The following PLXNA4 variants were observed in gnomAD, a reference collection of about 807,000 sequenced individuals.
PLXNA4 encodes the protein plexin-A4.
In PLXNA4, 44 loss-of-function variants were observed where a neutral mutation model predicts 191.8. The ratio of observed to expected loss-of-function variants is 0.23; its 90% confidence interval spans 0.18 to 0.29. The LOEUF is 0.29. Ranked by LOEUF, PLXNA4 falls within the 10% of genes least tolerant of loss-of-function variation. PLXNA4 has a pLI of 1.00. For missense variants in PLXNA4, 1,800 were observed against 2,488.8 expected (o/e 0.72, Z 5.89); for synonymous variants, 1,082 against 1,009.5 (o/e 1.07, Z -1.36).
chr7:132,181,723 G>T, intron 17 of PLXNA4, 103 bp from the exon 18 acceptor site: 1 of 1,500,402 alleles, frequency 6.7e-7, no homozygotes, highest in East Asian at 2.4e-5. Flanking sequence ...ATAGCAAGGG[G>T]TTGACAAGAG....
chr7:132,204,020 A>G (rs62469726), intron 10 of PLXNA4, among the ~76,000 whole-genome samples: 17,046 of 152,184 alleles, frequency 0.11, 1,082 homozygotes, highest in South Asian at 0.19. Flanking sequence ...GAAGAGGACT[A>G]GATGGGAGCT....
intron 3 of PLXNA4, among the ~76,000 whole-genome samples, chr7:132,364,254 C>A (rs947165923): frequency 6.6e-6 from 1 of 152,234 alleles, no homozygotes; most frequent in Non-Finnish European, 1.5e-5. Context: ...GGTGTCTAGA[C>A]TTTGTCATAT....
chr7:132,417,477 G>C (rs1230270643), intron 3 of PLXNA4, among the ~76,000 whole-genome samples: 1 of 152,154 alleles, frequency 6.6e-6, no homozygotes, highest in Non-Finnish European at 1.5e-5. Context: ...TATAGACTTT[G>C]TCCAGTAGAT....
chr7:132,263,912 G>A (rs1399283080), intron 4 of PLXNA4, among the ~76,000 whole-genome samples: 3 of 152,172 alleles, frequency 2.0e-5, no homozygotes, highest in South Asian at 2.1e-4. Flanking sequence ...CCACTGTACC[G>A]TTAGCAAAGA....
At chr7:132,293,418 T>G (rs1035313391) in intron 4 of PLXNA4, among the ~76,000 whole-genome samples, 1 of 152,150 alleles carries the variant, frequency 6.6e-6, no homozygotes, top group African/African-American at 2.4e-5. Context: ...CTTGTGAGAC[T>G]TATTCACTAC....
intron 2 of PLXNA4, among the ~76,000 whole-genome samples, chr7:132,491,242 T>C (rs1455206179): frequency 6.6e-6 from 1 of 152,202 alleles, no homozygotes; most frequent in Non-Finnish European, 1.5e-5. Context: ...TGAAATAAAA[T>C]ACAAGGTGTC....
intron 14 of PLXNA4, among the ~76,000 whole-genome samples, chr7:132,193,000 G>A (rs1462363796): frequency 2.0e-5 from 3 of 152,160 alleles, no homozygotes; most frequent in Admixed American, 6.5e-5. Flanking sequence ...GGGTATGCAG[G>A]TGAGAGGTGG....
intron 14 of PLXNA4, among the ~76,000 whole-genome samples, chr7:132,192,066 A>G (rs1463839384): frequency 6.6e-6 from 1 of 152,056 alleles, no homozygotes; most frequent in East Asian, 1.9e-4. Flanking sequence ...GTGACAGCCA[A>G]CTGCATCCAG....
chr7:132,503,818 C>A (rs1798350987), intron 2 of PLXNA4, among the ~76,000 whole-genome samples: 1 of 152,184 alleles, frequency 6.6e-6, no homozygotes, highest in Non-Finnish European at 1.5e-5. Context: ...TCTAGGACCC[C>A]CCCTCATACC....
chr7:132,304,724 T>G (rs1801441763), intron 3 of PLXNA4, among the ~76,000 whole-genome samples: 1 of 133,564 alleles, frequency 7.5e-6, no homozygotes. Flanking sequence ...ATAATTTGGT[T>G]TGGTGACTAT....
At chr7:132,347,333 C>G (rs1442424451) in intron 3 of PLXNA4, among the ~76,000 whole-genome samples, 1 of 152,160 alleles carries the variant, frequency 6.6e-6, no homozygotes, top group Non-Finnish European at 1.5e-5. Context: ...TGACAACCAC[C>G]CAGGCCAAGG....
rs1794810754 is a variant in PLXNA4 at position 132,127,795 on chromosome 7, C to T, written c.*2684G>A. ...ATTTGTCTGTCCTTGTCTCCTCTTT[C>T]TTCCTAACCTTTCTATTTCTCTGAG... On this transcript the variant is annotated 3_prime_UTR_variant, in exon 32 of 32. Transcript: ENST00000321063. 1 of 152,126 alleles carries T rather than the reference C, an allele frequency of 6.6e-6. No individual in the cohort carries two copies. Among genetic ancestry groups the T allele is most frequent in the South Asian group, 2.1e-4 (1 of 4,826 alleles). 9.4% of individuals were successfully genotyped at this position (152,126 alleles called of 1,614,324 possible).
rs528993196 is a variant in PLXNA4, at chr7:132,453,195, G to T, written c.1371+36097C>A. ...TCAATTAGGGAGAGGATGGAAGCAGGTCAACAAACCTGCCCTTCTCCCAAG... is the reference window on the plus strand; with the variant it reads ...TCAATTAGGGAGAGGATGGAAGCAGTTCAACAAACCTGCCCTTCTCCCAAG... On this transcript the variant is annotated intron_variant, in intron 3 of 31. Coordinates refer to ENST00000321063, the MANE Select transcript of PLXNA4 (RefSeq NM_020911.2). 1.5e-3 allele frequency among the ~76,000 whole-genome samples: 230 copies of T among 152,286 alleles called. 6 individuals carry two copies. In the South Asian group the frequency reaches 0.042, roughly 28 times the overall value.
intron 2 of PLXNA4, among the ~76,000 whole-genome samples, chr7:132,498,106 T>C (rs938147841): frequency 1.3e-5 from 2 of 152,072 alleles, no homozygotes; most frequent in South Asian, 2.1e-4. Flanking sequence ...TGCCCAAAAA[T>C]AGAAGAGTAG....
Position 132,445,157 on chromosome 7 carries a change from GAAAAAAA to G in PLXNA4, c.1371+44128_1371+44134del, listed in dbSNP as rs71529762. On this transcript the variant is annotated intron_variant, in intron 3 of 31. Coordinates refer to ENST00000321063, the MANE Select transcript of PLXNA4 (RefSeq NM_020911.2). ...GTGACAGAGCAAGACTCCATCTCAGGAAAAAAAAAAAAAAAAAAAAAAAAAAAATTTG... is the reference window on the plus strand; with the variant it reads ...GTGACAGAGCAAGACTCCATCTCAGGAAAAAAAAAAAAAAAAAAAAATTTG... Among the ~76,000 whole-genome samples, 299 of 53,802 alleles carry G rather than the reference GAAAAAAA, an allele frequency of 5.6e-3. 4 individuals carry two copies. In the South Asian group the frequency reaches 0.15, roughly 27 times the overall value. 35.3% of individuals were successfully genotyped at this position (53,802 alleles called of 152,430 possible). A position where few individuals can be genotyped will look rare whatever the true frequency, so the allele number is the denominator to read the frequency against.
intron 1 of PLXNA4, among the ~76,000 whole-genome samples, chr7:132,563,764 TTCC>T (rs1328807626): frequency 1.9e-5 from 1 of 52,848 alleles, no homozygotes; most frequent in Non-Finnish European, 3.6e-5. Flanking sequence ...TCTCCTCCTT[TTCC>T]TCTTCCTCCT....
At chr7:132,641,830 T>G (rs1803748854) in intron 2 of PLXNA4, among the ~76,000 whole-genome samples, 1 of 152,068 alleles carries the variant, frequency 6.6e-6, no homozygotes, top group African/African-American at 2.4e-5. Context: ...GACGACAACA[T>G]AAGTACCCAT....
chr7:132,370,086 G>C (rs1213430589), intron 3 of PLXNA4, among the ~76,000 whole-genome samples: 1 of 144,222 alleles, frequency 6.9e-6, no homozygotes, highest in African/African-American at 2.6e-5. Flanking sequence ...AAAAAAAAAA[G>C]GTATGCAGTG....
chr7:132,616,767 C>T (rs1486780900), intron 2 of PLXNA4, among the ~76,000 whole-genome samples: 1 of 152,130 alleles, frequency 6.6e-6, no homozygotes, highest in African/African-American at 2.4e-5. Flanking sequence ...GGAATATGCA[C>T]CTGTTTGAAA....
Sources: gnomAD v4.1 joint callset for allele counts (sites outside exome capture counted in the v4.1 genomes callset) on GRCh38, gnomAD v4.1.1 for gene constraint, MANE v1.5 for transcripts, NCBI Gene and HGNC (gene_info 2026-07-23, HGNC 2026-07-21) for gene names.